AUTS2: variants seen among roughly 807,000 people sequenced by gnomAD.
AUTS2 encodes autism susceptibility gene 2 protein.
Under a neutral mutation model 112.4 loss-of-function variants are expected in AUTS2, and 17 were observed. That is an observed-to-expected ratio of 0.15 (90% CI 0.10 to 0.23). AUTS2 has a LOEUF of 0.23. Among genes scored for constraint, AUTS2 ranks in the 10% least tolerant of loss-of-function variants. AUTS2 has a pLI of 1.00. For synonymous variants in AUTS2, 751 were observed against 702.7 expected, an observed-to-expected ratio of 1.07 and a Z score of -1.09; for missense variants, 1,510 against 1,701.6, an observed-to-expected ratio of 0.89 and a Z score of 1.98.
At chr7:70,680,341 T>C (rs1293362946) in intron 5 of AUTS2, among the ~76,000 whole-genome samples, 1 of 152,174 alleles carries the variant, frequency 6.6e-6, no homozygotes, top group East Asian at 1.9e-4. Flanking sequence ...TTACCTGACT[T>C]ACCCAAAGTC....
chr7:69,769,357 A>G (rs1187264705), intron 1 of AUTS2, among the ~76,000 whole-genome samples: 1 of 152,190 alleles, frequency 6.6e-6, no homozygotes. Flanking sequence ...TCCTTGCTCT[A>G]TGGGAAGAAA....
At chr7:69,811,610 C>T (rs894912455) in intron 1 of AUTS2, among the ~76,000 whole-genome samples, 1 of 152,122 alleles carries the variant, frequency 6.6e-6, no homozygotes, top group Non-Finnish European at 1.5e-5. Flanking sequence ...CTTAGCTTTT[C>T]CTTTCTTCTG....
intron 2 of AUTS2, among the ~76,000 whole-genome samples, chr7:70,007,978 A>G (rs1035039216): frequency 2.0e-5 from 3 of 151,990 alleles, no homozygotes; most frequent in Admixed American, 2.0e-4. Context: ...TACTAGATTG[A>G]TTGGGCATTT....
Position 69,995,792 on chromosome 7 carries a change from T to G in AUTS2, c.522+96294T>G, listed in dbSNP as rs149253996. On this transcript the variant is annotated intron_variant, in intron 2 of 18. Transcript: ENST00000342771. Reference sequence around the variant, plus strand: ...AGTCAGTTTTTCTGTATGATCATGCTTGACACCCCAAAATCTACCTGAAAG... The same window carrying G: ...AGTCAGTTTTTCTGTATGATCATGCGTGACACCCCAAAATCTACCTGAAAG... Among the ~76,000 whole-genome samples, 303 of 152,296 alleles carry G rather than the reference T, an allele frequency of 2.0e-3. 1 individual carries two copies. The highest frequency in any genetic ancestry group is 6.4e-3 in the African/African-American group (266 of 41,556).
At chr7:70,077,246 C>G (rs541565547) in intron 2 of AUTS2, among the ~76,000 whole-genome samples, 1 of 152,146 alleles carries the variant, frequency 6.6e-6, no homozygotes, top group East Asian at 1.9e-4. Flanking sequence ...AGCTTTGACT[C>G]ATTATTGGAT....
chr7:69,809,708 C>A (rs1323513256), intron 1 of AUTS2, among the ~76,000 whole-genome samples: 1 of 152,164 alleles, frequency 6.6e-6, no homozygotes, highest in African/African-American at 2.4e-5. Context: ...TACCCAGAGT[C>A]CATGATCACA....
chr7:70,278,122 C>T (rs541515680), intron 4 of AUTS2, among the ~76,000 whole-genome samples: 2 of 152,114 alleles, frequency 1.3e-5, no homozygotes, highest in East Asian at 3.9e-4. Flanking sequence ...ACATTACAGA[C>T]GTTTGTGGGT....
chr7:70,703,968 A>G (rs1323984321), intron 6 of AUTS2, among the ~76,000 whole-genome samples: 1 of 152,218 alleles, frequency 6.6e-6, no homozygotes, highest in Non-Finnish European at 1.5e-5. Context: ...CCATACTGCA[A>G]ATAGCATGCA....
intron 5 of AUTS2, among the ~76,000 whole-genome samples, chr7:70,530,120 C>T (rs889892326): frequency 1.4e-4 from 22 of 152,112 alleles, no homozygotes; most frequent in African/African-American, 5.3e-4. Flanking sequence ...AGTGAGGCAG[C>T]ATCCATTTGA....
chr7:70,356,992 C>T (rs1792041086), intron 4 of AUTS2, among the ~76,000 whole-genome samples: 1 of 152,062 alleles, frequency 6.6e-6, no homozygotes, highest in African/African-American at 2.4e-5. Context: ...CCCAATGTTT[C>T]CTGGAGCACA....
At chr7:70,395,187 G>A (rs952137897) in intron 4 of AUTS2, among the ~76,000 whole-genome samples, 2 of 151,578 alleles carry the variant, frequency 1.3e-5, no homozygotes, top group African/African-American at 4.9e-5. Flanking sequence ...CAAAGGAGTT[G>A]TGATAATCAC....
At chr7:70,595,270 A>G (rs1803140161) in intron 5 of AUTS2, among the ~76,000 whole-genome samples, 1 of 152,064 alleles carries the variant, frequency 6.6e-6, no homozygotes, top group Admixed American at 6.6e-5. Flanking sequence ...CCTTGGGCAG[A>G]GCGTTGAGGT....
intron 1 of AUTS2, among the ~76,000 whole-genome samples, chr7:69,690,639 G>A (rs377215471): frequency 6.6e-6 from 1 of 152,138 alleles, no homozygotes; most frequent in African/African-American, 2.4e-5. Flanking sequence ...TGGGGAATGC[G>A]GTGGCACCTG....
intron 2 of AUTS2, among the ~76,000 whole-genome samples, chr7:69,915,493 A>G (rs1322376945): frequency 6.6e-6 from 1 of 152,184 alleles, no homozygotes; most frequent in South Asian, 2.1e-4. Context: ...TTCAAACTGC[A>G]TGGACCAAGA....
chr7:69,735,633 C>T (rs909883114), intron 1 of AUTS2, among the ~76,000 whole-genome samples: 2 of 152,166 alleles, frequency 1.3e-5, no homozygotes, highest in Non-Finnish European at 2.9e-5. Context: ...CCAGAGCTAG[C>T]AAGCAGTACC....
intron 1 of AUTS2, among the ~76,000 whole-genome samples, chr7:69,747,818 T>TGA (rs1466059537): frequency 2.7e-5 from 4 of 150,220 alleles, no homozygotes; most frequent in East Asian, 2.0e-4. Flanking sequence ...TGTGTGTGTA[T>TGA]GAGAGAGAGA....
At chr7:69,873,612 T>C (rs1793600550) in intron 1 of AUTS2, among the ~76,000 whole-genome samples, 1 of 152,146 alleles carries the variant, frequency 6.6e-6, no homozygotes, top group Non-Finnish European at 1.5e-5. Flanking sequence ...CCTTACTGAT[T>C]CTTTGCTGAG....
intron 5 of AUTS2, among the ~76,000 whole-genome samples, chr7:70,599,701 A>T (rs1803374703): frequency 6.6e-6 from 1 of 152,178 alleles, no homozygotes; most frequent in Non-Finnish European, 1.5e-5. Flanking sequence ...AGGAACAGGA[A>T]TAGGTAGGTA....
chr7:70,594,989 T>G (rs536502235), intron 5 of AUTS2, among the ~76,000 whole-genome samples: 1 of 152,066 alleles, frequency 6.6e-6, no homozygotes, highest in African/African-American at 2.4e-5. Context: ...TAATCGCAGC[T>G]ACTTGGGAAG....
Sources: allele counts gnomAD v4.1 joint callset (sites outside exome capture counted in the v4.1 genomes callset), GRCh38; gene constraint gnomAD v4.1.1; transcripts MANE v1.5; gene names NCBI Gene and HGNC (gene_info 2026-07-23, HGNC 2026-07-21).